Variants in LMTK2 observed in about 807,000 individuals in gnomAD.
The protein encoded by LMTK2 is lemur tail kinase 2.
In LMTK2, 37 loss-of-function variants were observed where a neutral mutation model predicts 127.5. The observed-to-expected ratio is 0.29, with a 90% CI of 0.22 to 0.38. The LOEUF (loss-of-function observed/expected upper bound fraction) is 0.38. LMTK2 is among the 10% of genes least tolerant of loss of function. The pLI, the probability that LMTK2 is intolerant of heterozygous loss-of-function variation, is 1.00. For synonymous variants in LMTK2, 819 were observed against 810.1 expected, an observed-to-expected ratio of 1.01 and a Z score of -0.19; for missense variants, 1,694 against 1,920.3, an observed-to-expected ratio of 0.88 and a Z score of 2.20.
intron 1 of LMTK2, among the ~76,000 whole-genome samples, chr7:98,122,205 T>G (rs1796373324): frequency 6.6e-6 from 1 of 152,150 alleles, no homozygotes; most frequent in African/African-American, 2.4e-5. Context: ...GGACTCCTTT[T>G]TTTTTCCTTT....
At chr7:98,173,310 T>G (rs1426192337) in intron 7 of LMTK2, among the ~76,000 whole-genome samples, 1 of 152,068 alleles carries the variant, frequency 6.6e-6, no homozygotes, top group Non-Finnish European at 1.5e-5. Context: ...TAAAGTGTTT[T>G]TTTTTTTTTA....
In LMTK2 at chr7:98,121,996, C is replaced by T. The variant is rs1242990607; in HGVS notation, c.103+14716C>T. 4.6e-5 allele frequency among the ~76,000 whole-genome samples: 7 copies of T among 152,026 alleles called. 1 individual carries two copies. The South Asian group carries it at 6.2e-4, about 14-fold the overall frequency. ...GGCGACAGAGCCGGACTGTCGAGAC[C>T]GTGTCTCGGGTTAAAAAAAAAATTG... On this transcript the variant is annotated intron_variant, in intron 1 of 13. Coordinates refer to ENST00000297293, the MANE Select transcript of LMTK2 (RefSeq NM_014916.4).
intron 1 of LMTK2, among the ~76,000 whole-genome samples, chr7:98,137,095 G>A (rs945129767): frequency 6.6e-6 from 1 of 152,204 alleles, no homozygotes; most frequent in Non-Finnish European, 1.5e-5. Context: ...GGTGAAGGCT[G>A]TATATGAACT....
chr7:98,196,164 G>A (rs969305395), intron 11 of LMTK2, among the ~76,000 whole-genome samples: 4 of 151,884 alleles, frequency 2.6e-5, no homozygotes, highest in Admixed American at 1.3e-4. Flanking sequence ...ACTCCAGCCT[G>A]GGTGACAGAG....
chr7:98,175,961 A>G (rs566676055), intron 7 of LMTK2, among the ~76,000 whole-genome samples: 1 of 152,368 alleles, frequency 6.6e-6, no homozygotes, highest in Non-Finnish European at 1.5e-5. Flanking sequence ...GGAAATTTCT[A>G]TAACTCATAT....
rs76366223 is a variant in LMTK2, at chr7:98,168,214, A to G, written c.658-3327A>G. Among the ~76,000 whole-genome samples the G allele has an allele frequency of 4.6e-4, 70 of 152,314 alleles. 5 individuals are homozygous for G. The East Asian group carries it at 0.013, about 29-fold the overall frequency. The stretch of plus-strand genomic sequence containing the variant: ...TTACCTGGGAGGTGTTTGGGGCCAG[A>G]GCAGAGAGAAGAGATGGACTCTCGA... On this transcript the variant is annotated intron_variant, in intron 6 of 13. Transcript: ENST00000297293.
Position 98,170,883 on chromosome 7 carries a change from G to C in LMTK2, c.658-658G>C, listed in dbSNP as rs77985115. Reference sequence around the variant, plus strand: ...ATGGCCATGTGCTGGGCATCTGACTGTAAGTTTGTTTATTTTCCTGCTCAG... The same window carrying C: ...ATGGCCATGTGCTGGGCATCTGACTCTAAGTTTGTTTATTTTCCTGCTCAG... On this transcript the variant is annotated intron_variant, in intron 6 of 13. Coordinates refer to ENST00000297293, the MANE Select transcript of LMTK2 (RefSeq NM_014916.4). Among the ~76,000 whole-genome samples the C allele has an allele frequency of 1.3e-3, 191 of 152,288 alleles. 1 individual carries two copies. Among genetic ancestry groups the C allele is most frequent in the African/African-American group, 4.4e-3 (181 of 41,560 alleles).
rs775335967 is a variant in LMTK2 at position 98,194,582 on chromosome 7, C to T, written c.4107+10C>T. ...CTACCTGTTTGACCAGGTATCTGTT[C>T]CCTCTAAATCATTTTCTATACACAT... On this transcript the variant is annotated intron_variant, in intron 11 of 13. Coordinates refer to ENST00000297293, the MANE Select transcript of LMTK2 (RefSeq NM_014916.4). This position sits in a 1 kb window ranked among gnomAD's most constrained non-coding sequence, Gnocchi z 5.4. 6.3e-7 allele frequency: 1 copy of T among 1,588,130 alleles called. No homozygotes were observed. The highest frequency in any genetic ancestry group is 1.7e-5 in the Admixed American group (1 of 58,378).
At chr7:98,157,292 G>GA (rs1451150055) in intron 5 of LMTK2, among the ~76,000 whole-genome samples, 59 of 148,946 alleles carry the variant, frequency 4.0e-4, no homozygotes, top group African/African-American at 1.2e-3. Context: ...TAGGTAGGTA[G>GA]GTAGGTAGAT....
intron 13 of LMTK2, among the ~76,000 whole-genome samples, chr7:98,205,055 T>C (rs1562925788): frequency 6.6e-6 from 1 of 152,186 alleles, no homozygotes; most frequent in East Asian, 1.9e-4. Context: ...TCCCCGTCAC[T>C]AGATTGAAAG....
In LMTK2 at chr7:98,193,891, C is replaced by T. The variant is rs563308768; in HGVS notation, c.3426C>T (p.Pro1142=). ...QEQPLPEPVL[P]EQSPAAQDSC... ...AGCCCCTACCCGAGCCAGTCCTCCCCGAGCAAAGTCCTGCTGCCCAGGATA... is the reference window on the plus strand; with the variant it reads ...AGCCCCTACCCGAGCCAGTCCTCCCTGAGCAAAGTCCTGCTGCCCAGGATA... The change falls in exon 11 of 14, where the codon CCC becomes CCT. Residue 1142 remains proline (P), a synonymous_variant. Coordinates refer to ENST00000297293, the MANE Select transcript of LMTK2 (RefSeq NM_014916.4). This position sits in a 1 kb window ranked among gnomAD's most constrained non-coding sequence, Gnocchi z 4.1. The T allele has an allele frequency of 5.3e-5, 85 of 1,614,112 alleles. 1 individual carries two copies. The highest frequency in any genetic ancestry group is 3.8e-4 in the East Asian group (17 of 44,874).
intron 1 of LMTK2, among the ~76,000 whole-genome samples, chr7:98,137,099 A>G (rs1209136752): frequency 6.6e-6 from 1 of 152,234 alleles, no homozygotes; most frequent in African/African-American, 2.4e-5. Context: ...AAGGCTGTAT[A>G]TGAACTCTCT....
chr7:98,114,654 C>A (rs1035613939), intron 1 of LMTK2, among the ~76,000 whole-genome samples: 5 of 152,144 alleles, frequency 3.3e-5, no homozygotes, highest in Non-Finnish European at 5.9e-5. Flanking sequence ...TGAAGGGAGA[C>A]GGTCGCATCG....
chr7:98,131,208 GA>G (rs1024096638), intron 1 of LMTK2, among the ~76,000 whole-genome samples: 3 of 152,172 alleles, frequency 2.0e-5, no homozygotes, highest in Non-Finnish European at 4.4e-5. Context: ...ACTCCAAGGA[GA>G]AATGAATTAC....
chr7:98,124,929 T>G (rs6970100), intron 1 of LMTK2, among the ~76,000 whole-genome samples: 150,801 of 152,336 alleles, frequency 0.99, 74,663 homozygotes, highest in Middle Eastern at 1. Flanking sequence ...ACCCTCCTGG[T>G]ATCAAATCAC....
Position 98,193,348 on chromosome 7 carries a change from A to G in LMTK2, c.2883A>G (p.Glu961=). ...NQLNSKDAAK[E]AGLVSALSSD... The stretch of plus-strand genomic sequence containing the variant: ...TCAATTCTAAAGACGCAGCAAAAGA[A>G]GCAGGCTTGGTGTCTGCCCTCTCCT... The change falls in exon 11 of 14, where the codon GAA becomes GAG. Residue 961 remains glutamate, a synonymous_variant. Transcript: ENST00000297293. This position sits in a 1 kb window ranked among gnomAD's most constrained non-coding sequence, Gnocchi z 4.1. The G allele has an allele frequency of 1.2e-6, 2 of 1,614,214 alleles. No homozygotes were observed. The highest frequency in any genetic ancestry group is 2.2e-5 in the East Asian group (1 of 44,890).
intron 3 of LMTK2, among the ~76,000 whole-genome samples, chr7:98,142,558 A>G (rs967079382): frequency 7.9e-5 from 12 of 152,324 alleles, no homozygotes; most frequent in African/African-American, 2.9e-4. Context: ...GAAATATTTT[A>G]TTGTTGCTTG....
intron 11 of LMTK2, among the ~76,000 whole-genome samples, chr7:98,198,763 G>A (rs1396424415): frequency 6.6e-6 from 1 of 152,146 alleles, no homozygotes; most frequent in East Asian, 1.9e-4. Context: ...TTATAGACGT[G>A]AGCCACTGCA....
chr7:98,107,936 C>T (rs1415762703), intron 1 of LMTK2, among the ~76,000 whole-genome samples: 1 of 149,498 alleles, frequency 6.7e-6, no homozygotes, highest in African/African-American at 2.5e-5. Flanking sequence ...TTTCTTTTCT[C>T]CCCCCCCGCC....
Sources: allele counts gnomAD v4.1 joint callset (sites outside exome capture counted in the v4.1 genomes callset), GRCh38; gene constraint gnomAD v4.1.1; non-coding constraint Gnocchi (gnomAD v3.1); transcripts MANE v1.5; gene names NCBI Gene and HGNC (gene_info 2026-07-23, HGNC 2026-07-21).